Variants in KIF6 observed in about 807,000 individuals in gnomAD.
KIF6 encodes kinesin-like protein KIF6.
KIF6 carries 106 observed loss-of-function variants against 112.7 expected under a neutral mutation model. The observed-to-expected ratio is 0.94, with a 90% CI of 0.80 to 1.11. The LOEUF is 1.11. Among genes scored for constraint, KIF6 ranks in the 50% least tolerant of loss-of-function variants. The probability of loss-of-function intolerance (pLI) is 0.00; values close to 1 mark genes in which losing one functional copy is unlikely to be tolerated. For missense variants in KIF6, 929 were observed against 964.0 expected (o/e 0.96, Z 0.48); for synonymous variants, 339 against 339.9 (o/e 1.00, Z 0.03).
intron 13 of KIF6, among the ~76,000 whole-genome samples, chr6:39,454,561 G>A (rs1381454261): frequency 8.6e-5 from 13 of 150,394 alleles, no homozygotes; most frequent in African/African-American, 2.5e-4. Flanking sequence ...AAGATCGAGC[G>A]TGAGCGACGC....
intron 6 of KIF6, among the ~76,000 whole-genome samples, chr6:39,598,482 T>C (rs1182229426): frequency 1.3e-5 from 2 of 152,152 alleles, no homozygotes; most frequent in Non-Finnish European, 2.9e-5. Flanking sequence ...AATCTGATAA[T>C]ATGTGGCGAA....
intron 15 of KIF6, among the ~76,000 whole-genome samples, chr6:39,411,071 T>G (rs573447657): frequency 2.6e-5 from 4 of 152,312 alleles, no homozygotes; most frequent in African/African-American, 7.2e-5. Context: ...ACCTTTGAGC[T>G]AAGAAATAAG....
intron 3 of KIF6, among the ~76,000 whole-genome samples, chr6:39,646,999 C>T (rs981096241): frequency 3.9e-5 from 6 of 152,268 alleles, no homozygotes; most frequent in East Asian, 1.9e-4. Context: ...TAGAGAAATA[C>T]GGTAAATGAC....
intron 15 of KIF6, among the ~76,000 whole-genome samples, chr6:39,407,872 C>G (rs1769196101): frequency 6.6e-6 from 1 of 152,030 alleles, no homozygotes. Context: ...CTTCCTTGGG[C>G]CAGTGCTATA....
intron 13 of KIF6, among the ~76,000 whole-genome samples, chr6:39,531,520 C>T (rs1778059061): frequency 1.3e-5 from 2 of 152,100 alleles, no homozygotes; most frequent in Admixed American, 1.3e-4. Flanking sequence ...TTGGAAAAGG[C>T]CAGTAAACAG....
In KIF6 at chr6:39,346,200, C is replaced by T. The variant is rs1763792218; in HGVS notation, c.2231+276G>A. ...TGAGCACACAATAAGAAGGAGGTGCCAGCAAGCGAGGAAGGAAGCCCTCAG... is the reference window on the plus strand; with the variant it reads ...TGAGCACACAATAAGAAGGAGGTGCTAGCAAGCGAGGAAGGAAGCCCTCAG... On this transcript the variant is annotated intron_variant, in intron 20 of 22. Coordinates refer to ENST00000287152, the MANE Select transcript of KIF6 (RefSeq NM_145027.6). Among the ~76,000 whole-genome samples, 3 of 148,438 alleles carry T rather than the reference C, an allele frequency of 2.0e-5. No homozygotes were observed. The Admixed American group carries it at 2.0e-4, about 10-fold the overall frequency.
chr6:39,532,814 AG>A (rs1002112739), intron 13 of KIF6, among the ~76,000 whole-genome samples: 6 of 152,188 alleles, frequency 3.9e-5, no homozygotes, highest in Non-Finnish European at 8.8e-5. Context: ...ATTTCATCTT[AG>A]GTTGCCAAAA....
In KIF6 at chr6:39,335,678, T is replaced by A. The variant is rs1460692161; in HGVS notation, c.*854A>T. The A allele has an allele frequency of 6.6e-6, 1 of 152,074 alleles. No individual in the cohort carries two copies. Among genetic ancestry groups the A allele is most frequent in the South Asian group, 2.1e-4 (1 of 4,812 alleles). The allele number at this position is 152,074 out of a possible 1,614,324, so 9.4% of individuals were successfully genotyped here. A position where few individuals can be genotyped will look rare whatever the true frequency, so the allele number is the denominator to read the frequency against. ...GAACCTCCTTGAGGGCTGCCCACCT[T>A]CCCTTGGATCTGTCATGGAGAGGGC... On this transcript the variant is annotated 3_prime_UTR_variant, in exon 23 of 23. Transcript: ENST00000287152.
intron 13 of KIF6, among the ~76,000 whole-genome samples, chr6:39,461,698 A>C (rs1773489844): frequency 6.6e-6 from 1 of 152,178 alleles, no homozygotes; most frequent in African/African-American, 2.4e-5. Context: ...CAGACACTGA[A>C]TTTACAGTAG....
chr6:39,715,804 T>A (rs1789817236), intron 2 of KIF6, among the ~76,000 whole-genome samples: 2 of 152,186 alleles, frequency 1.3e-5, no homozygotes, highest in Admixed American at 6.5e-5. Flanking sequence ...GGGAAGATTG[T>A]ATTTTAGACA....
intron 22 of KIF6, among the ~76,000 whole-genome samples, chr6:39,338,449 GT>G (rs758312561): frequency 8.5e-5 from 13 of 152,240 alleles, no homozygotes; most frequent in Non-Finnish European, 1.6e-4. Context: ...AGGCCTTGCT[GT>G]TTAATTAAAC....
At chr6:39,553,152 A>G (rs1256225294) in intron 10 of KIF6, among the ~76,000 whole-genome samples, 5 of 152,174 alleles carry the variant, frequency 3.3e-5, no homozygotes, top group Non-Finnish European at 7.3e-5. Flanking sequence ...CCTAGCCCTA[A>G]CCAGTTAGTG....
chr6:39,650,728 C>T (rs1260874714), intron 3 of KIF6, among the ~76,000 whole-genome samples: 2 of 151,918 alleles, frequency 1.3e-5, no homozygotes, highest in East Asian at 3.9e-4. Flanking sequence ...GGGAGAAATT[C>T]ATTGTCTATA....
intron 16 of KIF6, among the ~76,000 whole-genome samples, chr6:39,370,980 G>C (rs532596575): frequency 1.3e-5 from 2 of 152,290 alleles, no homozygotes; most frequent in African/African-American, 2.4e-5. Context: ...AGAAGAGAGG[G>C]AGGTTAGGGG....
chr6:39,540,583 A>G (rs762586654), intron 12 of KIF6, among the ~76,000 whole-genome samples: 10 of 152,258 alleles, frequency 6.6e-5, no homozygotes, highest in Non-Finnish European at 1.3e-4. Flanking sequence ...TTACTCACAT[A>G]GCCCATGTAT....
At chr6:39,708,814 G>A (rs1429222696) in intron 3 of KIF6, among the ~76,000 whole-genome samples, 1 of 151,580 alleles carries the variant, frequency 6.6e-6, no homozygotes, top group Non-Finnish European at 1.5e-5. Context: ...ATTTTTGCTT[G>A]AAGCTTCAGG....
intron 16 of KIF6, among the ~76,000 whole-genome samples, chr6:39,381,073 G>A (rs1028306050): frequency 6.6e-6 from 1 of 152,136 alleles, no homozygotes; most frequent in African/African-American, 2.4e-5. Context: ...TCCAAATGGT[G>A]CCTCTCACAT....
At chr6:39,581,254 G>A (rs538976109) in intron 9 of KIF6, among the ~76,000 whole-genome samples, 3 of 137,568 alleles carry the variant, frequency 2.2e-5, no homozygotes, top group Non-Finnish European at 3.1e-5. Context: ...TGCAACCTCC[G>A]CATTCCAGGT....
intron 5 of KIF6, among the ~76,000 whole-genome samples, chr6:39,620,859 C>T (rs550987230): frequency 6.6e-6 from 1 of 152,036 alleles, no homozygotes; most frequent in African/African-American, 2.4e-5. Context: ...ACCTCCACCT[C>T]CTGGGTTCAA....
Sources: gnomAD v4.1 joint callset for allele counts (sites outside exome capture counted in the v4.1 genomes callset) on GRCh38, gnomAD v4.1.1 for gene constraint, MANE v1.5 for transcripts, NCBI Gene and HGNC (gene_info 2026-07-23, HGNC 2026-07-21) for gene names.